Variants in BMP5 observed in about 807,000 individuals in gnomAD.
BMP5 encodes bone morphogenetic protein 5.
BMP5 carries 23 observed loss-of-function variants against 46.6 expected under a neutral mutation model. The observed-to-expected ratio is 0.49, with a 90% confidence interval of 0.35 to 0.70. The LOEUF (loss-of-function observed/expected upper bound fraction) is 0.70, where lower values mean the gene tolerates loss of function less well. Among genes scored for constraint, BMP5 ranks in the 30% least tolerant of loss-of-function variants. The pLI is 0.00. For synonymous variants in BMP5, 204 were observed against 191.9 expected, an observed-to-expected ratio of 1.06 and a Z score of -0.52; for missense variants, 545 against 565.6, an observed-to-expected ratio of 0.96 and a Z score of 0.37.
intron 1 of BMP5, among the ~76,000 whole-genome samples, chr6:55,845,195 T>C (rs1435478926): frequency 6.6e-6 from 1 of 152,104 alleles, no homozygotes; most frequent in African/African-American, 2.4e-5. Context: ...AATGGACATT[T>C]ATAATGAGAT....
intron 1 of BMP5, among the ~76,000 whole-genome samples, chr6:55,821,382 T>C (rs1209008596): frequency 6.6e-6 from 1 of 152,108 alleles, no homozygotes; most frequent in Non-Finnish European, 1.5e-5. Context: ...TGGGGGCATA[T>C]TTTTTTAAAT....
At chr6:55,855,241 T>G (rs1223147140) in intron 1 of BMP5, among the ~76,000 whole-genome samples, 1 of 152,000 alleles carries the variant, frequency 6.6e-6, no homozygotes, top group African/African-American at 2.4e-5. Context: ...TTTTATTCAA[T>G]TAGTTATTTT....
At chr6:55,814,262 C>A (rs1257703882) in intron 2 of BMP5, among the ~76,000 whole-genome samples, 1 of 151,872 alleles carries the variant, frequency 6.6e-6, no homozygotes, top group Non-Finnish European at 1.5e-5. Flanking sequence ...GAAAACTGTA[C>A]CTACTGTTAT....
At chr6:55,815,323 A>G (rs557047231) in intron 2 of BMP5, among the ~76,000 whole-genome samples, 53 of 152,270 alleles carry the variant, frequency 3.5e-4, no homozygotes, top group African/African-American at 1.2e-3. Context: ...TCAATAGCAG[A>G]TGTTCAAAAA....
At chr6:55,824,039 A>G (rs1288986082) in intron 1 of BMP5, among the ~76,000 whole-genome samples, 5 of 151,956 alleles carry the variant, frequency 3.3e-5, no homozygotes, top group Non-Finnish European at 7.4e-5. Context: ...CTTCATACCC[A>G]ACCTTTTATT....
chr6:55,816,986 A>T lies in BMP5; in HGVS notation c.683+2669T>A, dbSNP rs574199980. Among the ~76,000 whole-genome samples, 680 of 152,238 alleles carry T rather than the reference A, an allele frequency of 4.5e-3. 6 individuals are homozygous for T. Among genetic ancestry groups the T allele is most frequent in the African/African-American group, 0.016 (648 of 41,482 alleles). On this transcript the variant is annotated intron_variant, in intron 2 of 6. Transcript: ENST00000370830. ...AAGAAGACATTTATGCAGCCAACAG[A>T]CACATGAAAAAAACGCTCATCATCA...
chr6:55,790,553 C>T (rs1017711907), intron 3 of BMP5, among the ~76,000 whole-genome samples: 1 of 152,178 alleles, frequency 6.6e-6, no homozygotes, highest in Non-Finnish European at 1.5e-5. Context: ...GTTTACAGAT[C>T]ACTTGCCTAA....
At chr6:55,832,003 C>T (rs765427901) in intron 1 of BMP5, among the ~76,000 whole-genome samples, 13 of 152,054 alleles carry the variant, frequency 8.5e-5, no homozygotes, top group Non-Finnish European at 1.3e-4. Flanking sequence ...AACGGCTGTG[C>T]TCCAAGTATA....
At chr6:55,835,764 G>A (rs1432138447) in intron 1 of BMP5, among the ~76,000 whole-genome samples, 1 of 152,134 alleles carries the variant, frequency 6.6e-6, no homozygotes, top group Non-Finnish European at 1.5e-5. Flanking sequence ...AGATAACAGA[G>A]CAAATTTGCA....
chr6:55,853,944 C>T (rs1777319147), intron 1 of BMP5, among the ~76,000 whole-genome samples: 1 of 152,104 alleles, frequency 6.6e-6, no homozygotes, highest in Admixed American at 6.6e-5. Context: ...ATTTCAAAAC[C>T]ATTATATACT....
At chr6:55,757,256 T>C (rs1443027472) in intron 6 of BMP5, among the ~76,000 whole-genome samples, 2 of 151,918 alleles carry the variant, frequency 1.3e-5, no homozygotes, top group East Asian at 3.9e-4. Flanking sequence ...TTTTGATACA[T>C]TAGATCCATA....
At chr6:55,846,003 G>C (rs1036501063) in intron 1 of BMP5, among the ~76,000 whole-genome samples, 8 of 151,962 alleles carry the variant, frequency 5.3e-5, no homozygotes, top group Non-Finnish European at 8.8e-5. Flanking sequence ...ACTATGTAGA[G>C]ACTTGGAATT....
At chr6:55,766,689 A>G (rs1774923930) in intron 4 of BMP5, among the ~76,000 whole-genome samples, 2 of 152,092 alleles carry the variant, frequency 1.3e-5, no homozygotes. Context: ...CCAATTGCCT[A>G]TGGGAAGACA....
At chr6:55,791,107 A>C (rs1775564503) in intron 3 of BMP5, among the ~76,000 whole-genome samples, 1 of 152,226 alleles carries the variant, frequency 6.6e-6, no homozygotes, top group South Asian at 2.1e-4. Flanking sequence ...CGTTAGGAAT[A>C]TATTACTGAA....
chr6:55,823,404 C>G (rs1194103349), intron 1 of BMP5, among the ~76,000 whole-genome samples: 1 of 152,040 alleles, frequency 6.6e-6, no homozygotes, highest in Non-Finnish European at 1.5e-5. Flanking sequence ...ATCTAGTCAT[C>G]TCTTTCCACT....
At chr6:55,768,781 A>T (rs1774977790) in intron 4 of BMP5, among the ~76,000 whole-genome samples, 1 of 151,944 alleles carries the variant, frequency 6.6e-6, no homozygotes, top group Non-Finnish European at 1.5e-5. Context: ...TGGATTCTTC[A>T]TACAGGCATA....
intron 1 of BMP5, among the ~76,000 whole-genome samples, chr6:55,871,642 A>G (rs1328160512): frequency 1.3e-5 from 2 of 151,840 alleles, no homozygotes; most frequent in African/African-American, 2.4e-5. Context: ...CTGAGTTTGG[A>G]TTAAGTTTAA....
chr6:55,777,241 A>C (rs1049471548), intron 3 of BMP5, among the ~76,000 whole-genome samples: 4 of 151,920 alleles, frequency 2.6e-5, no homozygotes, highest in Admixed American at 1.3e-4. Context: ...AGAAGTACTG[A>C]GAGAAACCCA....
intron 4 of BMP5, among the ~76,000 whole-genome samples, chr6:55,765,520 G>A (rs1330172601): frequency 2.0e-5 from 3 of 152,102 alleles, no homozygotes; most frequent in South Asian, 2.1e-4. Flanking sequence ...GAAGGTACAA[G>A]AGTTGAAAAA....
Sources: allele counts gnomAD v4.1 joint callset (sites outside exome capture counted in the v4.1 genomes callset), GRCh38; gene constraint gnomAD v4.1.1; transcripts MANE v1.5; gene names NCBI Gene and HGNC (gene_info 2026-07-23, HGNC 2026-07-21).